PLBD1: variants seen among roughly 807,000 people sequenced by gnomAD.
The protein encoded by PLBD1 is lysosomal leucine aminopeptidase.
In PLBD1, 60 loss-of-function variants were observed where a neutral mutation model predicts 63.0. The ratio of observed to expected loss-of-function variants is 0.95; its 90% CI spans 0.77 to 1.18. PLBD1 has a LOEUF of 1.18. Ranked by LOEUF, PLBD1 falls within the 50% of genes most tolerant of loss-of-function variation. PLBD1 has a pLI of 0.00. For missense variants in PLBD1, 598 were observed against 677.9 expected, an observed-to-expected ratio of 0.88 and a Z score of 1.31; for synonymous variants, 262 against 248.0, an observed-to-expected ratio of 1.06 and a Z score of -0.53.
chr12:14,548,830 A>G (rs1269219886), intron 2 of PLBD1, among the ~76,000 whole-genome samples: 1 of 152,204 alleles, frequency 6.6e-6, no homozygotes, highest in African/African-American at 2.4e-5. Flanking sequence ...ACTCATTCAA[A>G]CTGTGTAATA....
chr12:14,513,298 T>C (rs1207799067), intron 6 of PLBD1, among the ~76,000 whole-genome samples: 1 of 152,260 alleles, frequency 6.6e-6, no homozygotes, highest in Admixed American at 6.5e-5. Context: ...AATATCTTTC[T>C]TCAAATTAAC....
chr12:14,549,272 G>A (rs1945638663), intron 2 of PLBD1, among the ~76,000 whole-genome samples: 1 of 152,186 alleles, frequency 6.6e-6, no homozygotes, highest in African/African-American at 2.4e-5. Flanking sequence ...ACAAAATACG[G>A]TGGCCGTCAA....
intron 6 of PLBD1, among the ~76,000 whole-genome samples, chr12:14,527,783 T>C (rs911370699): frequency 1.3e-5 from 2 of 149,878 alleles, no homozygotes; most frequent in African/African-American, 2.5e-5. Context: ...TGTATGTTAT[T>C]TCTGTGTAAA....
At chr12:14,504,136 G>C (rs1945229725) in intron 10 of PLBD1, among the ~76,000 whole-genome samples, 182 bp from the exon 11 acceptor site, 1 of 152,012 alleles carries the variant, frequency 6.6e-6, no homozygotes, top group Non-Finnish European at 1.5e-5. Flanking sequence ...TGCAACCTCT[G>C]CCTCCCAGGT....
intron 8 of PLBD1, among the ~76,000 whole-genome samples, chr12:14,509,537 C>T (rs186436557): frequency 6.6e-6 from 1 of 152,196 alleles, no homozygotes; most frequent in African/African-American, 2.4e-5. Context: ...AGCATATGAA[C>T]TGCTTGGCAA....
At chr12:14,518,272 G>A (rs1482995016) in intron 6 of PLBD1, among the ~76,000 whole-genome samples, 1 of 152,120 alleles carries the variant, frequency 6.6e-6, no homozygotes, top group Admixed American at 6.6e-5. Context: ...CACATATTCA[G>A]GTTTTTTGTT....
intron 6 of PLBD1, among the ~76,000 whole-genome samples, chr12:14,523,175 C>A (rs1391399531): frequency 6.6e-6 from 1 of 151,924 alleles, no homozygotes; most frequent in South Asian, 2.1e-4. Flanking sequence ...GATATAAAAT[C>A]AATATACAAA....
At chr12:14,520,957 T>A (rs1300388527) in intron 6 of PLBD1, among the ~76,000 whole-genome samples, 1 of 152,234 alleles carries the variant, frequency 6.6e-6, no homozygotes, top group East Asian at 1.9e-4. Flanking sequence ...TGATCTAAGC[T>A]GCTGATGTAC....
Position 14,536,644 on chromosome 12 carries a change from G to C in PLBD1, c.625C>G (p.Leu209Val), listed in dbSNP as rs776056452. The C allele has an allele frequency of 6.2e-7, 1 of 1,614,160 alleles. No individual in the cohort carries two copies. Among genetic ancestry groups the C allele is most frequent in the Admixed American group, 1.7e-5 (1 of 60,026 alleles). ...AGGCTGCCGTTTTTTGTGGGAGAGAGTGAGGGAATCAGATCCAATAGATCT... is the reference window on the plus strand; with the variant it reads ...AGGCTGCCGTTTTTTGTGGGAGAGACTGAGGGAATCAGATCCAATAGATCT... ...VGDLLDLIPS[L>V]SPTKNGSLKV... The change falls in exon 5 of 11, where the codon CTC becomes GTC. Residue 209 changes from leucine to valine, a missense_variant. Transcript: ENST00000240617.
intron 6 of PLBD1, among the ~76,000 whole-genome samples, chr12:14,528,950 A>T (rs1462268873): frequency 2.0e-5 from 3 of 152,192 alleles, no homozygotes; most frequent in African/African-American, 7.2e-5. Context: ...TGTAGCAGTG[A>T]AAGAAATTAA....
At chr12:14,511,824 T>C in intron 6 of PLBD1, 113 bp from the exon 7 acceptor site, 1 of 1,041,694 alleles carries the variant, frequency 9.6e-7, no homozygotes, top group East Asian at 2.6e-5. Context: ...TATCAGTTAT[T>C]ACTATCCTTG....
intron 1 of PLBD1, among the ~76,000 whole-genome samples, chr12:14,564,512 G>A (rs1306066552): frequency 1.3e-5 from 2 of 152,200 alleles, no homozygotes; most frequent in Non-Finnish European, 2.9e-5. Context: ...CAGGCCTCCA[G>A]CCTGACAATC....
At chr12:14,544,779 A>T (rs1945604309) in intron 2 of PLBD1, among the ~76,000 whole-genome samples, 1 of 152,098 alleles carries the variant, frequency 6.6e-6, no homozygotes, top group African/African-American at 2.4e-5. Flanking sequence ...TTTATATTTT[A>T]ACAAGTTCTT....
intron 2 of PLBD1, among the ~76,000 whole-genome samples, chr12:14,546,662 G>T (rs545976716): frequency 6.6e-6 from 1 of 152,182 alleles, no homozygotes; most frequent in African/African-American, 2.4e-5. Flanking sequence ...TGCTGCTAAA[G>T]ATCCCACAAG....
At chr12:14,506,357 A>G (rs1945256179) in intron 9 of PLBD1, 89 bp from the exon 10 acceptor site, 3 of 896,282 alleles carry the variant, frequency 3.3e-6, no homozygotes, top group Middle Eastern at 2.3e-4. Flanking sequence ...GTTAAAGCCT[A>G]GATAATCAGA....
intron 2 of PLBD1, among the ~76,000 whole-genome samples, chr12:14,548,727 G>C (rs1186796616): frequency 6.6e-6 from 1 of 152,138 alleles, no homozygotes; most frequent in Non-Finnish European, 1.5e-5. Flanking sequence ...AGTTGCCTTT[G>C]AAGAATGTAG....
intron 6 of PLBD1, among the ~76,000 whole-genome samples, chr12:14,527,518 T>C (rs1945425475): frequency 6.6e-6 from 1 of 152,198 alleles, no homozygotes; most frequent in Non-Finnish European, 1.5e-5. Flanking sequence ...CTACCGTTAT[T>C]CTAGTCTTTT....
At chr12:14,560,406 T>A (rs7954655) in intron 1 of PLBD1, among the ~76,000 whole-genome samples, 138,823 of 152,180 alleles carry the variant, frequency 0.91, 64,210 homozygotes, top group East Asian at 0.99. Flanking sequence ...GAGAAAGAGA[T>A]CAAGCAAAAG....
intron 6 of PLBD1, among the ~76,000 whole-genome samples, chr12:14,516,758 G>T (rs1456613904): frequency 6.6e-6 from 1 of 152,108 alleles, no homozygotes; most frequent in Non-Finnish European, 1.5e-5. Context: ...GTCCTTTGAG[G>T]CCAGGCAAGG....
Sources: allele counts gnomAD v4.1 joint callset (sites outside exome capture counted in the v4.1 genomes callset), GRCh38; gene constraint gnomAD v4.1.1; transcripts MANE v1.5; gene names NCBI Gene and HGNC (gene_info 2026-07-23, HGNC 2026-07-21).